ROR1: variants seen among roughly 807,000 people sequenced by gnomAD.
The protein encoded by ROR1 is inactive tyrosine-protein kinase transmembrane receptor ROR1.
In ROR1, 19 loss-of-function variants were observed where a neutral mutation model predicts 78.8. That is an observed-to-expected ratio of 0.24 (90% CI 0.17 to 0.35). ROR1 has a LOEUF of 0.35. Among genes scored for constraint, ROR1 ranks in the 10% least tolerant of loss-of-function variants. ROR1 has a pLI of 1.00. For missense variants in ROR1, 917 were observed against 1,177.8 expected (o/e 0.78, Z 3.24); for synonymous variants, 386 against 433.6 (o/e 0.89, Z 1.36).
chr1:64,008,572 T>A (rs1646448999), intron 1 of ROR1, among the ~76,000 whole-genome samples: 1 of 152,166 alleles, frequency 6.6e-6, no homozygotes, highest in Non-Finnish European at 1.5e-5. Context: ...TAATTTACAT[T>A]CCCCCAACAG....
chr1:64,005,877 C>T (rs1024535210), intron 1 of ROR1, among the ~76,000 whole-genome samples: 12 of 152,108 alleles, frequency 7.9e-5, no homozygotes, highest in African/African-American at 1.2e-4. Context: ...AAGCTGAACA[C>T]GTGGTTATCT....
chr1:63,869,469 G>A (rs1645237800), intron 1 of ROR1, among the ~76,000 whole-genome samples: 1 of 152,080 alleles, frequency 6.6e-6, no homozygotes, highest in South Asian at 2.1e-4. Flanking sequence ...ACTATTTTTT[G>A]TCAGGCCTGC....
At chr1:64,010,183 A>C (rs1200340133) in intron 2 of ROR1, among the ~76,000 whole-genome samples, 3 of 152,012 alleles carry the variant, frequency 2.0e-5, no homozygotes, top group Non-Finnish European at 4.4e-5. Flanking sequence ...CCAAGCATAA[A>C]ATTTACATTA....
In ROR1 at chr1:64,085,407, G is replaced by C. The variant is rs1032270469; in HGVS notation, c.482+34691G>C. Among the ~76,000 whole-genome samples, 23 of 152,234 alleles carry C rather than the reference G, an allele frequency of 1.5e-4. No individual in the cohort carries two copies. The East Asian group carries it at 4.3e-3, about 28-fold the overall frequency. On this transcript the variant is annotated intron_variant, in intron 4 of 8. Transcript: ENST00000371079. Reference sequence around the variant, plus strand: ...GCTTCTGACCACAGTCCCATGCAGAGCCAACAATGGCATTCGTTGTTATAA... The same window carrying C: ...GCTTCTGACCACAGTCCCATGCAGACCCAACAATGGCATTCGTTGTTATAA...
intron 1 of ROR1, among the ~76,000 whole-genome samples, chr1:63,998,870 G>T (rs760182323): frequency 6.6e-6 from 1 of 152,122 alleles, no homozygotes; most frequent in Non-Finnish European, 1.5e-5. Context: ...TAATTGAATC[G>T]TGGGGACGGT....
At chr1:64,026,031 C>T (rs943018850) in intron 2 of ROR1, among the ~76,000 whole-genome samples, 10 of 152,122 alleles carry the variant, frequency 6.6e-5, no homozygotes, top group South Asian at 2.1e-4. Flanking sequence ...TTTTAAGTGG[C>T]GTTTCCTTCT....
At chr1:63,881,777 A>T (rs1279512802) in intron 1 of ROR1, among the ~76,000 whole-genome samples, 1 of 152,188 alleles carries the variant, frequency 6.6e-6, no homozygotes, top group Non-Finnish European at 1.5e-5. Context: ...CCCCTAAGGA[A>T]ATATAAAATA....
chr1:64,162,232 C>G (rs953671366), intron 8 of ROR1, among the ~76,000 whole-genome samples: 3 of 152,148 alleles, frequency 2.0e-5, no homozygotes, highest in Admixed American at 2.0e-4. Flanking sequence ...AATGAATGTG[C>G]CCTTCAGGGT....
chr1:64,058,488 G>C (rs1646891950), intron 4 of ROR1, among the ~76,000 whole-genome samples: 1 of 151,554 alleles, frequency 6.6e-6, no homozygotes, highest in Non-Finnish European at 1.5e-5. Context: ...CCACTTATTA[G>C]ATTGAGAAAA....
intron 4 of ROR1, among the ~76,000 whole-genome samples, chr1:64,129,982 T>C (rs1648853710): frequency 6.6e-6 from 1 of 152,316 alleles, no homozygotes; most frequent in South Asian, 2.1e-4. Flanking sequence ...TATTCATCTG[T>C]TTGTTTTAAT....
chr1:64,051,455 T>TA (rs369511325), intron 4 of ROR1, among the ~76,000 whole-genome samples: 7,638 of 39,190 alleles, frequency 0.19, 389 homozygotes, highest in East Asian at 0.35. Flanking sequence ...GTCTCAAAAA[T>TA]AAAAAATAAA....
intron 1 of ROR1, among the ~76,000 whole-genome samples, chr1:63,799,575 T>C (rs776429385): frequency 5.9e-5 from 9 of 152,194 alleles, no homozygotes; most frequent in Admixed American, 3.3e-4. Flanking sequence ...TTCCTTCAAA[T>C]TGGAAATGGA....
rs1446331528 is a variant in ROR1, at chr1:63,815,478, C to CTTTTTTTTTTTTTT, written c.91+40975_91+40976insTTTTTTTTTTTTTT. Reference sequence around the variant, plus strand: ...TTTTCTTTTTCTTTTCTTTTCTTTTCTTTTTCTTTTTTTTTTTTTTTTGAG... The same window carrying CTTTTTTTTTTTTTT: ...TTTTCTTTTTCTTTTCTTTTCTTTTCTTTTTTTTTTTTTTTTTTTCTTTTTTTTTTTTTTTTGAG... On this transcript the variant is annotated intron_variant, in intron 1 of 8. Coordinates refer to ENST00000371079, the MANE Select transcript of ROR1 (RefSeq NM_005012.4). Among the ~76,000 whole-genome samples, 465 of 103,330 alleles carry CTTTTTTTTTTTTTT rather than the reference C, an allele frequency of 4.5e-3. 26 individuals carry two copies. Among genetic ancestry groups the CTTTTTTTTTTTTTT allele is most frequent in the African/African-American group, 0.013 (253 of 18,984 alleles). The allele number at this position is 103,330 out of a possible 152,430, so 67.8% of individuals were successfully genotyped here.
At chr1:63,962,164 G>T (rs1646035054) in intron 1 of ROR1, among the ~76,000 whole-genome samples, 1 of 152,144 alleles carries the variant, frequency 6.6e-6, no homozygotes, top group African/African-American at 2.4e-5. Flanking sequence ...GGAGGCTGAG[G>T]TTCAAGGATT....
rs377421109 is a variant in ROR1, at chr1:64,055,239, C to T, written c.482+4523C>T. On this transcript the variant is annotated intron_variant, in intron 4 of 8. Coordinates refer to ENST00000371079, the MANE Select transcript of ROR1 (RefSeq NM_005012.4). The stretch of plus-strand genomic sequence containing the variant: ...TCTAATGTGTGAGAGCTTTCAGAAG[C>T]GCTGGTTGGAATATAATGAAAATAG... Among the ~76,000 whole-genome samples, 180 of 152,272 alleles carry T rather than the reference C, an allele frequency of 1.2e-3. 1 individual carries two copies. The highest frequency in any genetic ancestry group is 4.0e-3 in the African/African-American group (166 of 41,560).
intron 2 of ROR1, among the ~76,000 whole-genome samples, chr1:64,044,762 C>T (rs1475381131): frequency 6.6e-5 from 10 of 152,112 alleles, no homozygotes; most frequent in Non-Finnish European, 1.5e-4. Flanking sequence ...GAACCTGCCG[C>T]TTGAAGGAAA....
intron 4 of ROR1, among the ~76,000 whole-genome samples, chr1:64,118,614 C>T (rs1480357903): frequency 8.4e-6 from 1 of 119,536 alleles, no homozygotes; most frequent in Non-Finnish European, 1.6e-5. Context: ...GCCTGAGCTA[C>T]AGAGCGAGAC....
rs1183981596 is a variant in ROR1, at chr1:64,140,356, C to G, written c.858C>G (p.Pro286=). The G allele has an allele frequency of 6.2e-7, 1 of 1,613,006 alleles. No homozygotes were observed. Among genetic ancestry groups the G allele is most frequent in the Non-Finnish European group, 8.5e-7 (1 of 1,179,664 alleles). ...RLKLPNCEDL[P]QPESPEAANC... Reference sequence around the variant, plus strand: ...AACTGCCAAACTGTGAAGATCTCCCCCAGCCAGAGAGCCCAGAAGCTGCGA... The same window carrying G: ...AACTGCCAAACTGTGAAGATCTCCCGCAGCCAGAGAGCCCAGAAGCTGCGA... Residue 286 remains proline, a synonymous_variant, in exon 6 of 9, where the codon CCC becomes CCG. Transcript: ENST00000371079.
intron 1 of ROR1, among the ~76,000 whole-genome samples, chr1:64,006,801 T>A (rs1646431288): frequency 6.6e-6 from 1 of 152,068 alleles, no homozygotes; most frequent in Non-Finnish European, 1.5e-5. Flanking sequence ...AGGAAAGAGG[T>A]AAGCCAAGGA....
Sources: allele counts gnomAD v4.1 joint callset (sites outside exome capture counted in the v4.1 genomes callset), GRCh38; gene constraint gnomAD v4.1.1; transcripts MANE v1.5; gene names NCBI Gene and HGNC (gene_info 2026-07-23, HGNC 2026-07-21).